B3GALT1: variants seen among roughly 807,000 people sequenced by gnomAD.
B3GALT1 encodes the protein UDP-Gal:betaGlcNAc beta 1,3-galactosyltransferase, polypeptide 1.
Under a neutral mutation model 23.2 loss-of-function variants are expected in B3GALT1, and 10 were observed. The observed-to-expected ratio is 0.43, with a 90% CI of 0.27 to 0.73. The LOEUF is 0.73. Ranked by LOEUF, B3GALT1 falls within the 30% of genes least tolerant of loss-of-function variation. The pLI, the probability that B3GALT1 is intolerant of heterozygous loss-of-function variation, is 0.21. For missense variants in B3GALT1, 299 were observed against 405.4 expected (o/e 0.74, Z 2.25); for synonymous variants, 156 against 141.5 (o/e 1.10, Z -0.73).
intron 1 of B3GALT1, among the ~76,000 whole-genome samples, chr2:167,455,242 A>G (rs1316288976): frequency 6.6e-6 from 1 of 152,220 alleles, no homozygotes; most frequent in Non-Finnish European, 1.5e-5. Flanking sequence ...TTTTAGGGAA[A>G]ATTCAGACCA....
chr2:167,856,731 A>C (rs561255197), intron 4 of B3GALT1, among the ~76,000 whole-genome samples: 1 of 152,278 alleles, frequency 6.6e-6, no homozygotes, highest in South Asian at 2.1e-4. Flanking sequence ...TTAAATAGGT[A>C]AGGAAATGGG....
chr2:167,806,530 G>A (rs1327383168), intron 3 of B3GALT1, among the ~76,000 whole-genome samples: 3 of 152,144 alleles, frequency 2.0e-5, no homozygotes, highest in Non-Finnish European at 4.4e-5. Context: ...AGCATGAAGG[G>A]CTGTTGAATT....
At chr2:167,396,819 AT>A (rs1462431385) in intron 1 of B3GALT1, among the ~76,000 whole-genome samples, 1 of 151,994 alleles carries the variant, frequency 6.6e-6, no homozygotes, top group Non-Finnish European at 1.5e-5. Context: ...GTATAATACT[AT>A]CCCTCACACA....
At chr2:167,851,134 A>G (rs1464251234) in intron 4 of B3GALT1, among the ~76,000 whole-genome samples, 3 of 151,994 alleles carry the variant, frequency 2.0e-5, no homozygotes, top group Admixed American at 6.6e-5. Flanking sequence ...GTTTTTGAAC[A>G]TGCATCATTT....
chr2:167,671,879 A>G (rs892132698), intron 3 of B3GALT1, among the ~76,000 whole-genome samples: 1 of 152,066 alleles, frequency 6.6e-6, no homozygotes, highest in Non-Finnish European at 1.5e-5. Context: ...ATTTAGCTAG[A>G]CTATTTTTTA....
intron 2 of B3GALT1, among the ~76,000 whole-genome samples, chr2:167,614,361 T>TAA (rs202093579): frequency 2.1e-5 from 3 of 144,890 alleles, no homozygotes; most frequent in Non-Finnish European, 4.6e-5. Context: ...AAAGTCTTTG[T>TAA]AAAAAAAAAA....
rs570925527 is a variant in B3GALT1, at chr2:167,606,956, A to G, written c.-409-39953A>G. The stretch of plus-strand genomic sequence containing the variant: ...GTCTCAGTTTGTAGCATTTAGGGGG[A>G]CGGATTCTACATGAAGGCATGGAGG... On this transcript the variant is annotated intron_variant, in intron 2 of 4. Coordinates refer to ENST00000392690, the MANE Select transcript of B3GALT1 (RefSeq NM_020981.4). Among the ~76,000 whole-genome samples, 3 of 152,216 alleles carry G rather than the reference A, an allele frequency of 2.0e-5. No homozygotes were observed. The South Asian group carries it at 6.2e-4, about 32-fold the overall frequency.
intron 2 of B3GALT1, among the ~76,000 whole-genome samples, chr2:167,622,002 A>G (rs977811624): frequency 6.6e-6 from 1 of 152,130 alleles, no homozygotes; most frequent in Non-Finnish European, 1.5e-5. Flanking sequence ...CAGCATGAGA[A>G]TGGACTAATA....
At chr2:167,393,789 G>A (rs1698055046) in intron 1 of B3GALT1, among the ~76,000 whole-genome samples, 1 of 152,086 alleles carries the variant, frequency 6.6e-6, no homozygotes, top group Non-Finnish European at 1.5e-5. Flanking sequence ...AGAGTTAAAG[G>A]CAATAAATGG....
chr2:167,579,389 A>T (rs1684440994), intron 2 of B3GALT1, among the ~76,000 whole-genome samples: 1 of 149,782 alleles, frequency 6.7e-6, no homozygotes, highest in Admixed American at 6.6e-5. Flanking sequence ...ACACATTAGA[A>T]TCAGTTGGAG....
chr2:167,508,878 G>A (rs1440754908), intron 2 of B3GALT1, among the ~76,000 whole-genome samples: 1 of 152,094 alleles, frequency 6.6e-6, no homozygotes, highest in Non-Finnish European at 1.5e-5. Flanking sequence ...ATGACAAATT[G>A]AAGAAAAATG....
chr2:167,645,832 A>G (rs1685740050), intron 2 of B3GALT1, among the ~76,000 whole-genome samples: 1 of 152,018 alleles, frequency 6.6e-6, no homozygotes, highest in African/African-American at 2.4e-5. Context: ...TGGCCTCCCA[A>G]AGTGCTGGGA....
intron 3 of B3GALT1, among the ~76,000 whole-genome samples, chr2:167,678,895 T>C (rs998089346): frequency 1.3e-5 from 2 of 152,192 alleles, no homozygotes; most frequent in East Asian, 1.9e-4. Flanking sequence ...CATGTCATGA[T>C]ATTCAAGTGG....
At chr2:167,471,735 C>T (rs955619170) in intron 1 of B3GALT1, among the ~76,000 whole-genome samples, 1 of 152,056 alleles carries the variant, frequency 6.6e-6, no homozygotes, top group South Asian at 2.1e-4. Flanking sequence ...AATAAATACA[C>T]CACATATGCA....
intron 2 of B3GALT1, among the ~76,000 whole-genome samples, chr2:167,523,265 A>G (rs1683137842): frequency 6.6e-6 from 1 of 152,214 alleles, no homozygotes; most frequent in Admixed American, 6.5e-5. Flanking sequence ...ATCAATGCCT[A>G]AAATCACACA....
At chr2:167,702,521 A>G (rs544073315) in intron 3 of B3GALT1, among the ~76,000 whole-genome samples, 166 of 152,362 alleles carry the variant, frequency 1.1e-3, no homozygotes, top group African/African-American at 3.8e-3. Context: ...TCCCATTTAC[A>G]GGAATTAAAT....
At chr2:167,497,878 A>G (rs921806198) in intron 2 of B3GALT1, among the ~76,000 whole-genome samples, 6 of 151,880 alleles carry the variant, frequency 4.0e-5, no homozygotes, top group Non-Finnish European at 8.8e-5. Context: ...ATACAGTGAA[A>G]AATCTGTACT....
chr2:167,524,792 C>T (rs988759120), intron 2 of B3GALT1, among the ~76,000 whole-genome samples: 31 of 152,132 alleles, frequency 2.0e-4, no homozygotes, highest in African/African-American at 5.6e-4. Flanking sequence ...TGTTATCAAG[C>T]CAAATAGTCA....
intron 3 of B3GALT1, among the ~76,000 whole-genome samples, chr2:167,760,219 A>G (rs1687879522): frequency 6.6e-6 from 1 of 152,226 alleles, no homozygotes; most frequent in African/African-American, 2.4e-5. Context: ...TTTAGACCAC[A>G]TAGGAAAACT....
Sources: gnomAD v4.1 joint callset for allele counts (sites outside exome capture counted in the v4.1 genomes callset) on GRCh38, gnomAD v4.1.1 for gene constraint, MANE v1.5 for transcripts, NCBI Gene and HGNC (gene_info 2026-07-23, HGNC 2026-07-21) for gene names.